Variants in ZNF883 observed in about 807,000 individuals in gnomAD.
The protein encoded by ZNF883 is zinc finger protein 883.
At chr9:112,993,174 G>T (rs566591111), downstream of ZNF883, among the ~76,000 whole-genome samples, 2 of 152,218 alleles carry the variant, frequency 1.3e-5, no homozygotes, top group South Asian at 4.1e-4. Flanking sequence ...TTTTCAGTGG[G>T]GTTACTTTTT....
At chr9:113,008,536 G>A (rs1040239740) in intron 2 of ZNF883, among the ~76,000 whole-genome samples, 6 of 152,118 alleles carry the variant, frequency 3.9e-5, no homozygotes, top group African/African-American at 1.4e-4. Flanking sequence ...TTATGTATTT[G>A]TGGATTTCTC....
chr9:112,989,278 C>G (rs541481307), intron 1 of ZNF883, among the ~76,000 whole-genome samples: 1 of 152,172 alleles, frequency 6.6e-6, no homozygotes, highest in East Asian at 1.9e-4. Flanking sequence ...AGTCTTTAAT[C>G]CATTTTGAGT....
intron 2 of ZNF883, among the ~76,000 whole-genome samples, chr9:113,005,481 C>T (rs1828465406): frequency 2.0e-5 from 3 of 151,998 alleles, no homozygotes; most frequent in South Asian, 2.1e-4. Flanking sequence ...ATCAGATTGG[C>T]AAAAATGTCA....
exon 1 of ZNF883, chr9:112,997,120 T>C (rs747010400): frequency 1.9e-6 from 3 of 1,589,190 alleles, no homozygotes; most frequent in East Asian, 2.2e-5. Flanking sequence ...CCCACACTCA[T>C]TACTCTGCTA....
At chr9:113,010,660 T>A (rs568301943) in intron 2 of ZNF883, among the ~76,000 whole-genome samples, 22 of 152,118 alleles carry the variant, frequency 1.4e-4, no homozygotes, top group African/African-American at 5.3e-4. Flanking sequence ...ATGTTACACA[T>A]GATGAATATA....
chr9:112,988,473 G>T (rs147914187), intron 1 of ZNF883, among the ~76,000 whole-genome samples: 3 of 152,130 alleles, frequency 2.0e-5, no homozygotes, highest in Non-Finnish European at 4.4e-5. Context: ...CAAAGGACAC[G>T]ATCTGTTTCC....
intron 2 of ZNF883, among the ~76,000 whole-genome samples, chr9:113,008,524 CATT>C (rs368419324): frequency 3.4e-4 from 51 of 152,188 alleles, no homozygotes; most frequent in Non-Finnish European, 5.9e-4. Flanking sequence ...ATGATAGAAA[CATT>C]ATGTATTTGT....
chr9:113,011,021 G>A (rs1045276061), intron 2 of ZNF883, 120 bp downstream of exon 2: 27 of 150,662 alleles, frequency 1.8e-4, no homozygotes, highest in African/African-American at 6.3e-4. Context: ...AGCAAATAAT[G>A]AGCAATAAAA....
Position 113,007,054 on chromosome 9 carries a change from C to T in ZNF883, n.165+4087G>A, listed in dbSNP as rs554666257. Reference sequence around the variant, plus strand: ...ACTAAAAATACAAAAATTAGCCGGGCGTGGTGGTTCATGTCTGTAGTCCTA... The same window carrying T: ...ACTAAAAATACAAAAATTAGCCGGGTGTGGTGGTTCATGTCTGTAGTCCTA... On this transcript the variant is annotated intron_variant and non_coding_transcript_variant, in intron 2 of 4. Transcript: ENST00000638622. Among the ~76,000 whole-genome samples the T allele has an allele frequency of 3.3e-5, 5 of 152,192 alleles. No individual in the cohort carries two copies. In the South Asian group the frequency reaches 6.2e-4, roughly 19 times the overall value.
At chr9:112,992,870 A>G (rs1828315190), downstream of ZNF883, among the ~76,000 whole-genome samples, 1 of 151,984 alleles carries the variant, frequency 6.6e-6, no homozygotes, top group African/African-American at 2.4e-5. Context: ...GGTTATTGAT[A>G]CTTGTGGCTT....
At chr9:112,988,943 G>A (rs1828277587) in intron 1 of ZNF883, among the ~76,000 whole-genome samples, 1 of 151,942 alleles carries the variant, frequency 6.6e-6, no homozygotes, top group Non-Finnish European at 1.5e-5. Context: ...TTTGAGAAGT[G>A]TCTGTTCATG....
At chr9:113,000,504 T>C (rs1383801005), upstream of ZNF883, among the ~76,000 whole-genome samples, 1 of 152,060 alleles carries the variant, frequency 6.6e-6, no homozygotes, top group Non-Finnish European at 1.5e-5. Flanking sequence ...AAGTATAATA[T>C]GAAAGATATG....
chr9:113,005,469 T>C (rs1177453415), intron 2 of ZNF883, among the ~76,000 whole-genome samples: 1 of 152,174 alleles, frequency 6.6e-6, no homozygotes, highest in African/African-American at 2.4e-5. Flanking sequence ...CAATTTTCAT[T>C]CATCAGATTG....
exon 1 of ZNF883, chr9:112,998,040 A>G (rs754150798): frequency 1.4e-5 from 22 of 1,613,794 alleles, no homozygotes; most frequent in Non-Finnish European, 1.9e-5. Context: ...GCTTTCCCAC[A>G]TTCATTACAT....
At chr9:112,996,916 G>A (rs2118607104), downstream of ZNF883, among the ~76,000 whole-genome samples, 1 of 148,670 alleles carries the variant, frequency 6.7e-6, no homozygotes, top group African/African-American at 2.5e-5. Flanking sequence ...AGTTTTGGAT[G>A]AACACTTCCA....
downstream of ZNF883, chr9:112,996,997 A>T: frequency 1.2e-6 from 1 of 865,068 alleles, no homozygotes; most frequent in Non-Finnish European, 1.7e-6. Context: ...TACAAATAGC[A>T]TATTAAGTAA....
chr9:112,998,213 G>A, exon 1 of ZNF883: 4 of 1,613,228 alleles, frequency 2.5e-6, no homozygotes, highest in Non-Finnish European at 2.5e-6. Context: ...CCCACATTCA[G>A]TACAGAGATA....
At chr9:113,006,055 A>T (rs1209131573) in intron 2 of ZNF883, among the ~76,000 whole-genome samples, 1 of 151,888 alleles carries the variant, frequency 6.6e-6, no homozygotes, top group Non-Finnish European at 1.5e-5. Context: ...GCATACAGTA[A>T]AGAAACCAGC....
At chr9:112,993,826 G>T (rs1030694603), downstream of ZNF883, among the ~76,000 whole-genome samples, 3 of 152,222 alleles carry the variant, frequency 2.0e-5, no homozygotes, top group African/African-American at 7.2e-5. Flanking sequence ...AGACAGTCTG[G>T]TTATAACCTT....
Sources: gnomAD v4.1 joint callset for allele counts (sites outside exome capture counted in the v4.1 genomes callset) on GRCh38, gnomAD v4.1.1 for gene constraint, MANE v1.5 for transcripts, NCBI Gene and HGNC (gene_info 2026-07-23, HGNC 2026-07-21) for gene names.